The following SDHAF3 variants were observed in gnomAD, a reference collection of about 807,000 sequenced individuals.
SDHAF3 encodes succinate dehydrogenase assembly factor 3, mitochondrial.
In SDHAF3, 18 loss-of-function variants were observed where a neutral mutation model predicts 11.5. The ratio of observed to expected loss-of-function variants is 1.56; its 90% CI spans 1.08 to 2.32. The LOEUF (loss-of-function observed/expected upper bound fraction) is 2.32, where lower values mean the gene tolerates loss of function less well. SDHAF3 is among the 30% of genes most tolerant of loss of function. The pLI, the probability that SDHAF3 is intolerant of heterozygous loss-of-function variation, is 0.00. For missense variants in SDHAF3, 200 were observed against 154.4 expected (o/e 1.30, Z -1.57); for synonymous variants, 72 against 59.3 (o/e 1.21, Z -0.99).
chr7:97,130,448 C>T (rs1244442920), intron 1 of SDHAF3, among the ~76,000 whole-genome samples: 1 of 152,166 alleles, frequency 6.6e-6, no homozygotes, highest in Non-Finnish European at 1.5e-5. Context: ...GGTCTGGTCC[C>T]CCAGAAGGGT....
At chr7:97,166,504 T>C (rs2693313) in intron 1 of SDHAF3, among the ~76,000 whole-genome samples, 87,494 of 151,626 alleles carry the variant, frequency 0.58, 25,642 homozygotes, top group Non-Finnish European at 0.63. Context: ...AAGGTTCTTG[T>C]TATGCAGATG....
At chr7:97,129,719 T>G (rs902149212) in intron 1 of SDHAF3, among the ~76,000 whole-genome samples, 1 of 152,182 alleles carries the variant, frequency 6.6e-6, no homozygotes, top group East Asian at 1.9e-4. Context: ...TGCCCAGGCC[T>G]CACTTAGTTC....
At chr7:97,152,680 C>T (rs1006082957) in intron 1 of SDHAF3, among the ~76,000 whole-genome samples, 10 of 152,136 alleles carry the variant, frequency 6.6e-5, no homozygotes, top group South Asian at 4.1e-4. Context: ...GATGGAGTCT[C>T]GCTCTTTCGC....
intron 1 of SDHAF3, among the ~76,000 whole-genome samples, chr7:97,171,317 G>GTTTACATTAAAGAATA (rs750998232): frequency 2.0e-4 from 31 of 151,960 alleles, no homozygotes; most frequent in Non-Finnish European, 4.4e-4. Context: ...TCCTTTGGTT[G>GTTTACATTAAAGAATA]TTTACATTAA....
intron 1 of SDHAF3, among the ~76,000 whole-genome samples, chr7:97,130,247 C>G (rs114517516): frequency 6.9e-6 from 1 of 145,004 alleles, no homozygotes; most frequent in Non-Finnish European, 1.5e-5. Context: ...ACTCCAGCCT[C>G]GGTGACGGAG....
intron 1 of SDHAF3, among the ~76,000 whole-genome samples, chr7:97,150,581 T>G (rs1233383187): frequency 8.9e-6 from 1 of 112,214 alleles, no homozygotes; most frequent in Non-Finnish European, 1.9e-5. Context: ...TTTTTTTTTT[T>G]GAGATGGGGT....
chr7:97,138,849 C>T (rs1788974285), intron 1 of SDHAF3, among the ~76,000 whole-genome samples: 1 of 152,238 alleles, frequency 6.6e-6, no homozygotes, highest in African/African-American at 2.4e-5. Flanking sequence ...GTGACACCCC[C>T]ATCTGGTCCC....
intron 1 of SDHAF3, among the ~76,000 whole-genome samples, chr7:97,158,244 T>C (rs1348895535): frequency 6.6e-6 from 1 of 152,176 alleles, no homozygotes; most frequent in Non-Finnish European, 1.5e-5. Context: ...GAATATAGAA[T>C]ATGAAAGCTT....
chr7:97,122,664 A>G (rs536110883), intron 1 of SDHAF3, among the ~76,000 whole-genome samples: 33 of 152,284 alleles, frequency 2.2e-4, no homozygotes, highest in Admixed American at 1.9e-3. Flanking sequence ...GAATGAGTTC[A>G]GTTTGGTGTG....
intron 1 of SDHAF3, among the ~76,000 whole-genome samples, chr7:97,133,989 T>C (rs1436433209): frequency 6.6e-6 from 1 of 152,248 alleles, no homozygotes; most frequent in East Asian, 1.9e-4. Context: ...GAACAGTTTC[T>C]GGACTTTGGT....
chr7:97,125,316 G>A lies in SDHAF3; in HGVS notation c.174+7419G>A, dbSNP rs143682396. Among the ~76,000 whole-genome samples the A allele has an allele frequency of 6.3e-4, 96 of 152,144 alleles. No individual in the cohort carries two copies. In the East Asian group the frequency reaches 7.0e-3, roughly 11 times the overall value. On this transcript the variant is annotated intron_variant, in intron 1 of 1. Transcript: ENST00000432641. ...TTGCCTAGTTCTTTTAATTGTGACCGTAGGGTGTCAATTTTAGGCGTTTCT... is the reference window on the plus strand; with the variant it reads ...TTGCCTAGTTCTTTTAATTGTGACCATAGGGTGTCAATTTTAGGCGTTTCT...
chr7:97,159,669 A>G (rs937586309), intron 1 of SDHAF3, among the ~76,000 whole-genome samples: 3 of 152,100 alleles, frequency 2.0e-5, no homozygotes, highest in East Asian at 1.9e-4. Flanking sequence ...GAGTATGTCT[A>G]CCAGGAGTGT....
At chr7:97,168,447 A>C (rs1261506577) in intron 1 of SDHAF3, among the ~76,000 whole-genome samples, 2 of 152,146 alleles carry the variant, frequency 1.3e-5, no homozygotes, top group South Asian at 4.2e-4. Context: ...AAAACTGTAA[A>C]CTAAATTCTC....
intron 1 of SDHAF3, among the ~76,000 whole-genome samples, chr7:97,124,765 A>G (rs1417305609): frequency 6.6e-6 from 1 of 152,096 alleles, no homozygotes; most frequent in East Asian, 1.9e-4. Context: ...GCAATTGTGA[A>G]TGGGAGTTCA....
At chr7:97,147,839 T>G (rs754814908) in intron 1 of SDHAF3, among the ~76,000 whole-genome samples, 15 of 152,238 alleles carry the variant, frequency 9.9e-5, no homozygotes, top group Non-Finnish European at 1.5e-5. Flanking sequence ...TTTGGTACTC[T>G]GCTCCACCAA....
chr7:97,135,756 C>T lies in SDHAF3; in HGVS notation c.174+17859C>T, dbSNP rs193131697. ...AGGCTGGAGTGCAGTGGCTCAATCT[C>T]GGCTCACTGCAAGCTCCGCCTCCCA... On this transcript the variant is annotated intron_variant, in intron 1 of 1. Coordinates refer to ENST00000432641, the MANE Select transcript of SDHAF3 (RefSeq NM_020186.3). Among the ~76,000 whole-genome samples the T allele has an allele frequency of 4.2e-4, 60 of 143,614 alleles. No individual in the cohort carries two copies. In the East Asian group the frequency reaches 8.7e-3, roughly 21 times the overall value. The allele number at this position is 143,614 out of a possible 152,430, so 94.2% of individuals were successfully genotyped here.
intron 1 of SDHAF3, among the ~76,000 whole-genome samples, chr7:97,118,128 T>C (rs1162212710): frequency 6.6e-6 from 1 of 152,124 alleles, no homozygotes; most frequent in Non-Finnish European, 1.5e-5. Context: ...CTCCTGCAGA[T>C]GCCAGGTGCT....
chr7:97,180,999 T>C lies in SDHAF3; in HGVS notation c.175-13T>C. On this transcript the variant is annotated splice_polypyrimidine_tract_variant and intron_variant, in intron 1 of 1. Coordinates refer to ENST00000432641, the MANE Select transcript of SDHAF3 (RefSeq NM_020186.3). ...AACTTTACATCTATAACCTTCATTCTTTATCTTTTTAGGTGTATGCAACAG... is the reference window on the plus strand; with the variant it reads ...AACTTTACATCTATAACCTTCATTCCTTATCTTTTTAGGTGTATGCAACAG... The C allele has an allele frequency of 6.2e-7, 1 of 1,602,766 alleles. No homozygotes were observed. Among genetic ancestry groups the C allele is most frequent in the African/African-American group, 1.3e-5 (1 of 74,326 alleles).
At chr7:97,146,789 T>A (rs1562824899) in intron 1 of SDHAF3, among the ~76,000 whole-genome samples, 1 of 135,642 alleles carries the variant, frequency 7.4e-6, no homozygotes, top group Admixed American at 7.3e-5. Context: ...AATAGGTACC[T>A]TTTTTTTTTT....
Sources: allele counts gnomAD v4.1 joint callset (sites outside exome capture counted in the v4.1 genomes callset), GRCh38; gene constraint gnomAD v4.1.1; transcripts MANE v1.5; gene names NCBI Gene and HGNC (gene_info 2026-07-23, HGNC 2026-07-21).